EPB41L4A: variants seen among roughly 807,000 people sequenced by gnomAD.
EPB41L4A encodes the protein erythrocyte membrane protein band 4.1 like 4A.
EPB41L4A carries 100 observed loss-of-function variants against 108.6 expected under a neutral mutation model. The ratio of observed to expected loss-of-function variants is 0.92; its 90% CI spans 0.78 to 1.09. The LOEUF (loss-of-function observed/expected upper bound fraction) is 1.09, where lower values mean the gene tolerates loss of function less well. Among genes scored for constraint, EPB41L4A ranks in the 50% least tolerant of loss-of-function variants. The probability of loss-of-function intolerance (pLI) is 0.00; values close to 1 mark genes in which losing one functional copy is unlikely to be tolerated. For synonymous variants in EPB41L4A, 319 were observed against 289.0 expected, an observed-to-expected ratio of 1.10 and a Z score of -1.05; for missense variants, 1,030 against 842.7, an observed-to-expected ratio of 1.22 and a Z score of -2.75.
At chr5:112,270,305 C>A (rs1387265336) in intron 4 of EPB41L4A, among the ~76,000 whole-genome samples, 1 of 152,104 alleles carries the variant, frequency 6.6e-6, no homozygotes, top group Non-Finnish European at 1.5e-5. Context: ...GAATGTGAAA[C>A]AGGAGAACCT....
chr5:112,413,309 C>G (rs1762519130), intron 1 of EPB41L4A, among the ~76,000 whole-genome samples: 1 of 152,152 alleles, frequency 6.6e-6, no homozygotes, highest in Non-Finnish European at 1.5e-5. Context: ...CATTTTCTAC[C>G]CATTATCAAT....
intron 4 of EPB41L4A, among the ~76,000 whole-genome samples, chr5:112,270,621 A>C (rs1252603733): frequency 6.6e-6 from 1 of 152,204 alleles, no homozygotes; most frequent in East Asian, 1.9e-4. Flanking sequence ...TAAAGTTCAC[A>C]AAGTCCTTTC....
intron 2 of EPB41L4A, among the ~76,000 whole-genome samples, chr5:112,299,538 G>C (rs1274545939): frequency 6.6e-6 from 1 of 152,168 alleles, no homozygotes; most frequent in African/African-American, 2.4e-5. Flanking sequence ...TAAATGGCCA[G>C]GCGTGGTGGC....
intron 1 of EPB41L4A, among the ~76,000 whole-genome samples, chr5:112,375,082 G>A (rs1298673358): frequency 6.6e-6 from 1 of 152,120 alleles, no homozygotes; most frequent in African/African-American, 2.4e-5. Flanking sequence ...CCTAGTGCAG[G>A]AAGAAACCAT....
In EPB41L4A at chr5:112,165,055, C is replaced by G; in HGVS notation, c.1996G>C (p.Ala666Pro). The change falls in exon 23 of 23, where the codon GCT (alanine) becomes CCT (proline). Residue 666 changes from alanine to proline, a missense_variant. By Grantham distance (27) the Ala-to-Pro change is conservative (BLOSUM62 -1). Transcript: ENST00000261486. Reference protein sequence around the residue: ...EKPQTSTNNLAGKHTAKTIKT... With the variant: ...EKPQTSTNNLPGKHTAKTIKT... ...ATTGTTTTTGCTGTGTGTTTTCCAGCCAGGTTGTTTGTAGATGTCTGAGGT... is the reference window on the plus strand; with the variant it reads ...ATTGTTTTTGCTGTGTGTTTTCCAGGCAGGTTGTTTGTAGATGTCTGAGGT... 1 of 1,613,866 alleles carries G rather than the reference C, an allele frequency of 6.2e-7. No individual in the cohort carries two copies. Among genetic ancestry groups the G allele is most frequent in the Non-Finnish European group, 8.5e-7 (1 of 1,179,882 alleles).
At chr5:112,149,308 A>G (rs2112798040) in intron 12 of EPB41L4A, among the ~76,000 whole-genome samples, 1 of 152,228 alleles carries the variant, frequency 6.6e-6, no homozygotes, top group East Asian at 1.9e-4. Context: ...TGTCTCTACT[A>G]AAAATACAAA....
At chr5:112,212,595 C>T (rs1227698490) in intron 12 of EPB41L4A, among the ~76,000 whole-genome samples, 3 of 151,998 alleles carry the variant, frequency 2.0e-5, no homozygotes, top group African/African-American at 4.8e-5. Context: ...GTGCCCAGCC[C>T]CCTAACATTA....
chr5:112,209,762 T>C (rs751074744), intron 13 of EPB41L4A, 130 bp downstream of exon 13: 69 of 536,714 alleles, frequency 1.3e-4, no homozygotes, highest in Non-Finnish European at 1.6e-4. Flanking sequence ...GGCCCAGAGA[T>C]TTATTGGATC....
downstream of EPB41L4A, chr5:112,158,463 G>A (rs984583954): frequency 2.4e-6 from 1 of 416,964 alleles, no homozygotes. Flanking sequence ...AAATATCAGA[G>A]GTAGATATAA....
Position 112,287,011 on chromosome 5 carries a change from C to T in EPB41L4A, c.205-6688G>A, listed in dbSNP as rs116099285. On this transcript the variant is annotated intron_variant, in intron 2 of 22. Coordinates refer to ENST00000261486, the MANE Select transcript of EPB41L4A (RefSeq NM_022140.5). ...TAGGACACTCCTCAATCTTGCTTCTCCTCCCGTCTCACTGGCCACGTCTTC... is the reference window on the plus strand; with the variant it reads ...TAGGACACTCCTCAATCTTGCTTCTTCTCCCGTCTCACTGGCCACGTCTTC... Among the ~76,000 whole-genome samples the T allele has an allele frequency of 4.3e-3, 660 of 152,310 alleles. 4 individuals are homozygous for T. The highest frequency in any genetic ancestry group is 0.015 in the African/African-American group (623 of 41,558).
intron 4 of EPB41L4A, among the ~76,000 whole-genome samples, chr5:112,274,774 A>G (rs1224162023): frequency 6.6e-6 from 1 of 152,302 alleles, no homozygotes; most frequent in East Asian, 1.9e-4. Flanking sequence ...AATTAATACC[A>G]ATAGGAAATT....
intron 18 of EPB41L4A, among the ~76,000 whole-genome samples, chr5:112,179,046 G>C (rs1244789658): frequency 9.2e-5 from 14 of 152,000 alleles, no homozygotes; most frequent in Non-Finnish European, 2.9e-5. Flanking sequence ...AGATTTCACA[G>C]ATGTTAAAAG....
chr5:112,184,560 T>C (rs1761330415), intron 17 of EPB41L4A, among the ~76,000 whole-genome samples: 1 of 152,252 alleles, frequency 6.6e-6, no homozygotes, highest in Non-Finnish European at 1.5e-5. Flanking sequence ...GTCAAGCTAA[T>C]TGTCAAAGTT....
intron 1 of EPB41L4A, among the ~76,000 whole-genome samples, chr5:112,380,865 C>G (rs1026464296): frequency 1.3e-5 from 2 of 151,862 alleles, no homozygotes; most frequent in Non-Finnish European, 2.9e-5. Flanking sequence ...GCACATATCT[C>G]AGTCACCCAG....
chr5:112,236,567 T>G (rs1055915828), intron 11 of EPB41L4A, among the ~76,000 whole-genome samples: 1 of 152,240 alleles, frequency 6.6e-6, no homozygotes, highest in Non-Finnish European at 1.5e-5. Context: ...GTATGGAGAT[T>G]TACAGTGTAA....
chr5:112,334,057 G>C (rs1272814025), intron 1 of EPB41L4A, among the ~76,000 whole-genome samples: 1 of 152,158 alleles, frequency 6.6e-6, no homozygotes, highest in African/African-American at 2.4e-5. Context: ...AGGGCAGTCA[G>C]ACAGTCAGAT....
chr5:112,180,727 G>T (rs1218435229), intron 18 of EPB41L4A, among the ~76,000 whole-genome samples: 1 of 144,712 alleles, frequency 6.9e-6, no homozygotes, highest in Non-Finnish European at 1.5e-5. Flanking sequence ...AAATTAAAAA[G>T]TCTGCTCATC....
chr5:112,322,677 G>C (rs1163920311), intron 1 of EPB41L4A, among the ~76,000 whole-genome samples: 2 of 151,098 alleles, frequency 1.3e-5, no homozygotes, highest in South Asian at 2.1e-4. Context: ...CCAGTTTGAC[G>C]GCTTATAGCC....
chr5:112,254,591 G>C (rs61535569), intron 9 of EPB41L4A, among the ~76,000 whole-genome samples: 4,152 of 152,204 alleles, frequency 0.027, 279 homozygotes, highest in East Asian at 0.27. Context: ...CCTCCCCTAA[G>C]AAGAGTCAGG....
Sources: allele counts gnomAD v4.1 joint callset (sites outside exome capture counted in the v4.1 genomes callset), GRCh38; gene constraint gnomAD v4.1.1; transcripts MANE v1.5; gene names NCBI Gene and HGNC (gene_info 2026-07-23, HGNC 2026-07-21).